Variants in KIF17 observed in about 807,000 individuals in gnomAD.
KIF17 encodes the protein kinesin family member 17.
A neutral mutation model predicts 96.8 loss-of-function variants in KIF17; 80 were observed. The observed-to-expected ratio is 0.83, with a 90% CI of 0.69 to 1.00. The LOEUF (loss-of-function observed/expected upper bound fraction) is 1.00, where lower values mean the gene tolerates loss of function less well. KIF17 is among the 50% of genes least tolerant of loss of function. The probability of loss-of-function intolerance (pLI) is 0.00; values close to 1 mark genes in which losing one functional copy is unlikely to be tolerated. For missense variants in KIF17, 1,280 were observed against 1,372.9 expected (o/e 0.93, Z 1.07); for synonymous variants, 567 against 587.5 (o/e 0.97, Z 0.51).
chr1:20,669,565 A>AATAAT (rs373354989), intron 13 of KIF17, among the ~76,000 whole-genome samples: 1 of 63,882 alleles, frequency 1.6e-5, no homozygotes, highest in Non-Finnish European at 3.6e-5. Flanking sequence ...TAATAATAAT[A>AATAAT]AATAAAATAA....
chr1:20,688,121 A>T (rs1021301941), intron 7 of KIF17, among the ~76,000 whole-genome samples, 177 bp from the exon 8 acceptor site: 1 of 151,196 alleles, frequency 6.6e-6, no homozygotes, highest in Non-Finnish European at 1.5e-5. Context: ...ATCTCAGCTC[A>T]CTGAAAGCTC....
Position 20,704,296 on chromosome 1 carries a change from AACCAGG to A in KIF17, c.1123+145_1123+150del. On this transcript the variant is annotated intron_variant, in intron 5 of 14. Transcript: ENST00000400463. This position sits in a 1 kb window ranked among gnomAD's most constrained non-coding sequence, Gnocchi z 6.8. ...AGCAGATACCATCTGGGCCGTCTCC[AACCAGG>A]GCCCTGCGCTCACATGGGGCTGAGG... 1.5e-5 allele frequency: 10 copies of A among 674,050 alleles called. No individual in the cohort carries two copies. Among genetic ancestry groups the A allele is most frequent in the Admixed American group, 2.1e-5 (1 of 46,978 alleles). 41.8% of individuals were successfully genotyped at this position (674,050 alleles called of 1,614,324 possible).
At chr1:20,670,299 T>C in intron 13 of KIF17, 122 bp downstream of exon 13, 4 of 974,346 alleles carry the variant, frequency 4.1e-6, no homozygotes, top group Non-Finnish European at 6.4e-6. Context: ...CTTGGCCCCT[T>C]CTTTAATCCT....
In KIF17 at chr1:20,717,524, G is replaced by A. The variant is rs1439208406; in HGVS notation, c.183C>T (p.Asp61=). 1.2e-6 allele frequency: 2 copies of A among 1,611,614 alleles called. No individual in the cohort carries two copies. Among genetic ancestry groups the A allele is most frequent in the East Asian group, 2.2e-5 (1 of 44,812 alleles). Residue 61 remains aspartate, a synonymous_variant, in exon 1 of 15, where the codon GAC becomes GAT. Coordinates refer to ENST00000400463, the MANE Select transcript of KIF17 (RefSeq NM_001122819.3). ...QFTFDGAYHV[D]HVTEQIYNEI... The stretch of plus-strand genomic sequence containing the variant: ...CGTTGTAGATCTGCTCGGTGACGTG[G>A]TCCACGTGGTAGGCGCCGTCGAAGG...
chr1:20,706,329 GC>G (rs2054340225), intron 4 of KIF17, among the ~76,000 whole-genome samples: 1 of 151,290 alleles, frequency 6.6e-6, no homozygotes, highest in African/African-American at 2.4e-5. Context: ...GGTGGCTCAT[GC>G]CTGTAATCCC....
intron 8 of KIF17, among the ~76,000 whole-genome samples, chr1:20,686,998 C>A (rs930576964): frequency 6.6e-6 from 1 of 152,114 alleles, no homozygotes; most frequent in Non-Finnish European, 1.5e-5. Context: ...AGACCCCCCA[C>A]CCAGCTCACT....
rs2054488967 is a variant in KIF17, at chr1:20,712,827, T to TTA, written c.480+625_480+626dup. On this transcript the variant is annotated intron_variant, in intron 3 of 14. Transcript: ENST00000400463. ...AATATCTATATATATAATATAGATA[T>TTA]TATCTATATTATAGATATAGATAAT... Among the ~76,000 whole-genome samples, 9 of 92,280 alleles carry TTA rather than the reference T, an allele frequency of 9.8e-5. 1 individual carries two copies. The highest frequency in any genetic ancestry group is 3.8e-4 in the African/African-American group (9 of 23,802). The allele number at this position is 92,280 out of a possible 152,430, so 60.5% of individuals were successfully genotyped here.
rs985367933 is a variant in KIF17 at position 20,682,967 on chromosome 1, G to A, written c.2232-83C>T. 30 of 1,240,882 alleles carry A rather than the reference G, an allele frequency of 2.4e-5. No homozygotes were observed. The Admixed American group carries it at 2.5e-4, about 11-fold the overall frequency. 76.9% of individuals were successfully genotyped at this position (1,240,882 alleles called of 1,614,324 possible). A position where few individuals can be genotyped will look rare whatever the true frequency, so the allele number is the denominator to read the frequency against. On this transcript the variant is annotated intron_variant, in intron 10 of 14. Coordinates refer to ENST00000400463, the MANE Select transcript of KIF17 (RefSeq NM_001122819.3). ...CCATCCAGCAGGCTCCAGGCTATGCGTGGGCCCCCCAGATCCTTCCAACAA... is the reference window on the plus strand; with the variant it reads ...CCATCCAGCAGGCTCCAGGCTATGCATGGGCCCCCCAGATCCTTCCAACAA...
chr1:20,695,158 ACAG>A (rs1221268492), intron 6 of KIF17, among the ~76,000 whole-genome samples: 2 of 152,076 alleles, frequency 1.3e-5, no homozygotes, highest in African/African-American at 4.8e-5. Flanking sequence ...ATGCATGTGC[ACAG>A]CACCACCAAT....
At position 20,672,000 on chromosome 1, in the gene KIF17, T is replaced by A; in HGVS notation, c.2660A>T (p.Asp887Val). The change falls in exon 12 of 15, where the codon GAC becomes GTC. Residue 887 changes from aspartate to valine, a missense_variant. Coordinates refer to ENST00000400463, the MANE Select transcript of KIF17 (RefSeq NM_001122819.3). Reference sequence around the variant, plus strand: ...GATCTTCCAGAAGCCGTTATCTTCGTCCCAGCAGGACTCACGCAGAATCTT... The same window carrying A: ...GATCTTCCAGAAGCCGTTATCTTCGACCCAGCAGGACTCACGCAGAATCTT... ...LEKILRESCW[D>V]EDNGFWKIPH... 6.2e-7 allele frequency: 1 copy of A among 1,614,096 alleles called. No individual in the cohort carries two copies. Among genetic ancestry groups the A allele is most frequent in the Non-Finnish European group, 8.5e-7 (1 of 1,180,040 alleles).
intron 3 of KIF17, among the ~76,000 whole-genome samples, chr1:20,712,936 AATATTATCT>A (rs1397493796): frequency 1.6e-4 from 18 of 114,456 alleles, no homozygotes; most frequent in East Asian, 5.0e-4. Flanking sequence ...TATTATCTAT[AATATTATCT>A]ATATTATCTA....
At chr1:20,703,499 CATGG>C (rs200289845) in intron 5 of KIF17, among the ~76,000 whole-genome samples, 82,884 of 144,850 alleles carry the variant, frequency 0.57, 24,511 homozygotes, top group South Asian at 0.67. Flanking sequence ...TGGATGGATG[CATGG>C]ATGGATGGAT....
chr1:20,714,786 G>A (rs2054547072), intron 2 of KIF17, among the ~76,000 whole-genome samples: 1 of 113,832 alleles, frequency 8.8e-6, no homozygotes, highest in Admixed American at 1.1e-4. Flanking sequence ...GACAGAGCAA[G>A]ACTCCGTCTC....
intron 2 of KIF17, 100 bp downstream of exon 2, chr1:20,715,393 G>T: frequency 1.3e-6 from 2 of 1,497,428 alleles, no homozygotes; most frequent in East Asian, 2.3e-5. Flanking sequence ...CACGGGTCAG[G>T]CCGGGCTCCA....
chr1:20,707,909 A>G (rs2054372764), intron 4 of KIF17, among the ~76,000 whole-genome samples: 1 of 148,872 alleles, frequency 6.7e-6, no homozygotes, highest in Non-Finnish European at 1.5e-5. Flanking sequence ...TTATAAATAT[A>G]AATAATTATT....
chr1:20,692,776 CTT>C (rs35531322), intron 6 of KIF17: 110 of 139,348 alleles, frequency 7.9e-4, no homozygotes, highest in Admixed American at 8.6e-4. Flanking sequence ...GGGACTCTTT[CTT>C]TTTTTTTTTT....
At chr1:20,692,537 G>A (rs2054058073) in intron 6 of KIF17, among the ~76,000 whole-genome samples, 1 of 151,970 alleles carries the variant, frequency 6.6e-6, no homozygotes, top group South Asian at 2.1e-4. Flanking sequence ...TGGCAGAGAT[G>A]GGGTTTCGCC....
At chr1:20,676,850 A>T (rs2053747710) in intron 11 of KIF17, among the ~76,000 whole-genome samples, 1 of 151,934 alleles carries the variant, frequency 6.6e-6, no homozygotes, top group South Asian at 2.1e-4. Context: ...AAATAAAATA[A>T]ACAACAACAA....
At chr1:20,705,427 A>G (rs1453246136) in intron 4 of KIF17, among the ~76,000 whole-genome samples, 2 of 152,140 alleles carry the variant, frequency 1.3e-5, no homozygotes, top group African/African-American at 4.8e-5. Context: ...CATCAACAAA[A>G]TGAGACTACC....
Sources: gnomAD v4.1 joint callset for allele counts (sites outside exome capture counted in the v4.1 genomes callset) on GRCh38, gnomAD v4.1.1 for gene constraint, Gnocchi (gnomAD v3.1) non-coding constraint, MANE v1.5 for transcripts, NCBI Gene and HGNC (gene_info 2026-07-23, HGNC 2026-07-21) for gene names.